Variants in BMPR1B observed in about 807,000 individuals in gnomAD.
The protein encoded by BMPR1B is bone morphogenetic protein receptor type 1B.
A neutral mutation model predicts 59.1 loss-of-function variants in BMPR1B; 12 were observed. The observed-to-expected ratio is 0.20, with a 90% confidence interval of 0.13 to 0.33. The LOEUF (loss-of-function observed/expected upper bound fraction) is 0.33. Among genes scored for constraint, BMPR1B ranks in the 10% least tolerant of loss-of-function variants. The pLI is 1.00. For synonymous variants in BMPR1B, 237 were observed against 207.3 expected, an observed-to-expected ratio of 1.14 and a Z score of -1.23; for missense variants, 550 against 610.9, an observed-to-expected ratio of 0.90 and a Z score of 1.05.
chr4:95,102,633 C>T (rs1296977783), intron 3 of BMPR1B, among the ~76,000 whole-genome samples: 1 of 151,990 alleles, frequency 6.6e-6, no homozygotes, highest in Non-Finnish European at 1.5e-5. Flanking sequence ...ATAGGTACAC[C>T]TACACACTCT....
At chr4:94,828,369 C>A (rs1004830660) in intron 1 of BMPR1B, among the ~76,000 whole-genome samples, 1 of 152,040 alleles carries the variant, frequency 6.6e-6, no homozygotes, top group Non-Finnish European at 1.5e-5. Flanking sequence ...TTTCCAATAA[C>A]AGAATTTTTT....
chr4:95,083,366 T>A (rs555146973), intron 3 of BMPR1B, among the ~76,000 whole-genome samples: 10 of 152,238 alleles, frequency 6.6e-5, no homozygotes, highest in African/African-American at 2.2e-4. Context: ...AGTACCATAA[T>A]CATGGTAAAT....
At chr4:95,054,707 TA>T (rs1726788415) in intron 3 of BMPR1B, among the ~76,000 whole-genome samples, 1 of 152,140 alleles carries the variant, frequency 6.6e-6, no homozygotes. Context: ...TAAACAGTAT[TA>T]AAACATCATT....
intron 3 of BMPR1B, among the ~76,000 whole-genome samples, chr4:95,016,136 T>C (rs1163494904): frequency 1.3e-5 from 2 of 152,238 alleles, no homozygotes; most frequent in East Asian, 3.8e-4. Context: ...GGTGATACAA[T>C]TTGAACTTTC....
chr4:94,935,685 G>C (rs967783888), intron 2 of BMPR1B, among the ~76,000 whole-genome samples: 1 of 152,206 alleles, frequency 6.6e-6, no homozygotes, highest in African/African-American at 2.4e-5. Context: ...ACTAAATGGT[G>C]ATATGGTAGC....
In BMPR1B at chr4:95,039,869, A is replaced by G. The variant is rs553291785; in HGVS notation, c.-18+43735A>G. Among the ~76,000 whole-genome samples the G allele has an allele frequency of 7.9e-5, 12 of 152,242 alleles. No homozygotes were observed. In the East Asian group the frequency reaches 2.1e-3, roughly 27 times the overall value. On this transcript the variant is annotated intron_variant, in intron 3 of 12. Transcript: ENST00000515059. ...GCCCTGGAAAACCAAAAGATTGGAC[A>G]CCCCTGGTAGCATGTCATGACTCTG...
intron 3 of BMPR1B, among the ~76,000 whole-genome samples, chr4:95,080,847 C>T (rs1036906276): frequency 2.6e-5 from 4 of 152,094 alleles, no homozygotes; most frequent in African/African-American, 9.7e-5. Flanking sequence ...ATCTCAACCT[C>T]TCTGTAAATG....
intron 2 of BMPR1B, among the ~76,000 whole-genome samples, chr4:94,988,570 G>T: frequency 6.6e-6 from 1 of 152,108 alleles, no homozygotes; most frequent in East Asian, 1.9e-4. Flanking sequence ...ATGGTTTCCG[G>T]ATTTAGTTTA....
intron 10 of BMPR1B, among the ~76,000 whole-genome samples, chr4:95,148,269 T>G (rs2149325097): frequency 6.6e-6 from 1 of 152,284 alleles, no homozygotes; most frequent in African/African-American, 2.4e-5. Context: ...AAGAGTAAAG[T>G]TTTTAAAATA....
intron 3 of BMPR1B, among the ~76,000 whole-genome samples, chr4:95,017,523 C>T (rs1444622602): frequency 6.6e-6 from 1 of 152,168 alleles, no homozygotes; most frequent in Non-Finnish European, 1.5e-5. Flanking sequence ...TGGGCTTCAC[C>T]CCAGTGTGCC....
At chr4:95,023,257 A>G (rs974751091) in intron 3 of BMPR1B, among the ~76,000 whole-genome samples, 21 of 152,336 alleles carry the variant, frequency 1.4e-4, no homozygotes, top group African/African-American at 5.0e-4. Flanking sequence ...CCTGCCAAGA[A>G]AACTTCCAGT....
chr4:94,770,091 AT>A, intron 1 of BMPR1B, among the ~76,000 whole-genome samples: 1 of 151,444 alleles, frequency 6.6e-6, no homozygotes, highest in African/African-American at 2.4e-5. Context: ...TAGACAGAGA[AT>A]GCTGATCTTT....
chr4:94,990,221 T>A (rs191727675), intron 2 of BMPR1B, among the ~76,000 whole-genome samples: 1 of 152,124 alleles, frequency 6.6e-6, no homozygotes, highest in East Asian at 1.9e-4. Context: ...CCAGGCGTAG[T>A]GGCAGGCGCC....
chr4:94,858,690 T>C (rs2023835), intron 1 of BMPR1B, among the ~76,000 whole-genome samples: 92,232 of 152,052 alleles, frequency 0.61, 28,661 homozygotes, highest in African/African-American at 0.74. Flanking sequence ...ACTCTTGTTA[T>C]TTGTATTAAC....
At chr4:94,762,155 A>G (rs1294881255) in intron 1 of BMPR1B, among the ~76,000 whole-genome samples, 3 of 152,194 alleles carry the variant, frequency 2.0e-5, no homozygotes, top group Admixed American at 6.5e-5. Flanking sequence ...CCAATATTCT[A>G]ATTACATTCA....
At chr4:94,977,728 G>A (rs985172233) in intron 2 of BMPR1B, among the ~76,000 whole-genome samples, 7 of 152,212 alleles carry the variant, frequency 4.6e-5, no homozygotes, top group South Asian at 2.1e-4. Flanking sequence ...ATGGTGGCGC[G>A]TGCCTGCAGT....
chr4:94,887,919 C>G (rs559061674), intron 2 of BMPR1B, among the ~76,000 whole-genome samples: 32 of 151,960 alleles, frequency 2.1e-4, no homozygotes, highest in African/African-American at 7.5e-4. Flanking sequence ...GCAAATTAAC[C>G]CCAAACAATA....
rs189155893 is a variant in BMPR1B, at chr4:95,147,875, G to A, written c.1077-873G>A. Among the ~76,000 whole-genome samples, 370 of 152,218 alleles carry A rather than the reference G, an allele frequency of 2.4e-3. 1 individual carries two copies. The highest frequency in any genetic ancestry group is 0.014 in the Middle Eastern group (4 of 294). ...CCCTTAGAACAGGGGCTGGAACTGT[G>A]GCTCCAGCTCATCGCACTGAAGCAA... On this transcript the variant is annotated intron_variant, in intron 10 of 12. Transcript: ENST00000515059.
At position 95,148,910 on chromosome 4, in the gene BMPR1B, A is replaced by T. The variant is rs186299744; in HGVS notation, c.1239A>T (p.Arg413Ser). ...TCATCCTTTGGGAGGTTGCTAGGAG[A>T]TGTGTATCAGGAGGTAAGAAACAGT... The part of the protein sequence containing the change: ...FGLILWEVAR[R>S]CVSGGIVEEY... The change falls in exon 11 of 13, where the codon AGA (arginine) becomes AGT (serine). Residue 413 changes from arginine (R) to serine (S), a missense_variant. Transcript: ENST00000515059. 44 of 1,613,918 alleles carry T rather than the reference A, an allele frequency of 2.7e-5. No homozygotes were observed. In the East Asian group the frequency reaches 8.5e-4, roughly 31 times the overall value.
Sources: gnomAD v4.1 joint callset for allele counts (sites outside exome capture counted in the v4.1 genomes callset) on GRCh38, gnomAD v4.1.1 for gene constraint, MANE v1.5 for transcripts, NCBI Gene and HGNC (gene_info 2026-07-23, HGNC 2026-07-21) for gene names.